Variants in SSUH2 observed in about 807,000 individuals in gnomAD.
The protein encoded by SSUH2 is ssu-2 homolog.
In SSUH2, 47 loss-of-function variants were observed where a neutral mutation model predicts 55.3. That is an observed-to-expected ratio of 0.85 (90% CI 0.67 to 1.08). The LOEUF is 1.08. Ranked by LOEUF, SSUH2 falls within the 50% of genes least tolerant of loss-of-function variation. The probability of loss-of-function intolerance (pLI) is 0.00; values close to 1 mark genes in which losing one functional copy is unlikely to be tolerated. For synonymous variants in SSUH2, 212 were observed against 191.5 expected (o/e 1.11, Z -0.89); for missense variants, 535 against 490.7 (o/e 1.09, Z -0.85).
chr3:8,646,543 C>T (rs537517630), upstream of SSUH2, among the ~76,000 whole-genome samples: 11 of 152,300 alleles, frequency 7.2e-5, no homozygotes, highest in African/African-American at 2.2e-4. Flanking sequence ...CTTTTCTGCA[C>T]GCTACTTAGA....
chr3:8,621,127 C>T lies in SSUH2; in HGVS notation c.982-1113G>A, dbSNP rs564346508. Among the ~76,000 whole-genome samples, 86 of 152,328 alleles carry T rather than the reference C, an allele frequency of 5.6e-4. 2 individuals carry two copies. Among genetic ancestry groups the T allele is most frequent in the South Asian group, 4.3e-3 (21 of 4,830 alleles). On this transcript the variant is annotated intron_variant, in intron 11 of 11. Coordinates refer to ENST00000544814, the MANE Select transcript of SSUH2 (RefSeq NM_001256748.3). ...GAATGTTGCTCCTGATCATCTAAGC[C>T]AAGCTTTCTTGTGGACTTCCTGTGG... is the stretch of plus-strand genomic sequence containing the variant.
chr3:8,653,098 C>A (rs930029753), intron 7 of SSUH2, among the ~76,000 whole-genome samples: 4 of 152,192 alleles, frequency 2.6e-5, no homozygotes, highest in African/African-American at 7.2e-5. Context: ...AGAATGGACA[C>A]CTTTTTGGAT....
chr3:8,633,889 T>C lies in SSUH2; in HGVS notation c.210-94A>G, dbSNP rs372214810. 4.3e-6 allele frequency: 7 copies of C among 1,613,930 alleles called. No homozygotes were observed. The highest frequency in any genetic ancestry group is 2.2e-5 in the East Asian group (1 of 44,854). ...CCTCCTCAACGTGCAGGCGAGAAAC[T>C]GAGGCCACGGTAGTGGTAAAGCCCT... On this transcript the variant is annotated intron_variant, in intron 3 of 11. Transcript: ENST00000544814.
chr3:8,675,177 C>CA (rs1705096976), intron 3 of SSUH2, among the ~76,000 whole-genome samples: 1 of 152,166 alleles, frequency 6.6e-6, no homozygotes, highest in Admixed American at 6.5e-5. Context: ...CAGCTGAGGA[C>CA]AGCTGGTTCA....
chr3:8,670,907 A>G (rs1480957105), intron 5 of SSUH2: 1 of 239,860 alleles, frequency 4.2e-6, no homozygotes, highest in African/African-American at 2.2e-5. Context: ...GAATATTACA[A>G]CTCCTATCAC....
intron 1 of SSUH2, among the ~76,000 whole-genome samples, chr3:8,642,014 G>A (rs901045181): frequency 5.3e-5 from 8 of 152,258 alleles, no homozygotes; most frequent in South Asian, 4.1e-4. Flanking sequence ...CCCTGTGGAC[G>A]GGGGTCCACA....
intron 5 of SSUH2, among the ~76,000 whole-genome samples, chr3:8,670,000 T>G (rs888340578): frequency 6.6e-6 from 1 of 152,188 alleles, no homozygotes; most frequent in Non-Finnish European, 1.5e-5. Flanking sequence ...TAATTTCTTG[T>G]TTTTGATCCG....
intron 7 of SSUH2, among the ~76,000 whole-genome samples, chr3:8,654,647 A>T (rs918054762): frequency 6.6e-6 from 1 of 152,214 alleles, no homozygotes; most frequent in Non-Finnish European, 1.5e-5. Flanking sequence ...GAAAATATAA[A>T]TATCTCAATG....
chr3:8,621,703 C>A (rs766297035), intron 11 of SSUH2, among the ~76,000 whole-genome samples: 2 of 152,134 alleles, frequency 1.3e-5, no homozygotes, highest in Non-Finnish European at 2.9e-5. Flanking sequence ...ACTGAGTTTT[C>A]TTCATATGCC....
chr3:8,644,721 C>G lies in SSUH2; in HGVS notation c.28+10G>C. On this transcript the variant is annotated intron_variant, in intron 1 of 11. Transcript: ENST00000544814. ...ACAGTCTTCCGTGCCATCTTTGAGGCTCTACTTACTGTCATCTTCATTCAG... is the reference window on the plus strand; with the variant it reads ...ACAGTCTTCCGTGCCATCTTTGAGGGTCTACTTACTGTCATCTTCATTCAG... 6.5e-7 allele frequency: 1 copy of G among 1,535,798 alleles called. No individual in the cohort carries two copies. Among genetic ancestry groups the G allele is most frequent in the Non-Finnish European group, 8.7e-7 (1 of 1,146,622 alleles).
At chr3:8,641,151 C>T (rs1248297539) in intron 1 of SSUH2, among the ~76,000 whole-genome samples, 2 of 152,172 alleles carry the variant, frequency 1.3e-5, no homozygotes, top group Non-Finnish European at 2.9e-5. Context: ...TGCCTGAGTG[C>T]GGCTCCCTGT....
intron 1 of SSUH2, among the ~76,000 whole-genome samples, chr3:8,644,506 G>C (rs1247606527): frequency 6.6e-6 from 1 of 152,150 alleles, no homozygotes; most frequent in Non-Finnish European, 1.5e-5. Context: ...CTTTACACAC[G>C]AGAGGAAGGA....
intron 3 of SSUH2, 123 bp downstream of exon 3, chr3:8,635,177 A>C: frequency 1.4e-6 from 1 of 709,206 alleles, no homozygotes; most frequent in Non-Finnish European, 2.3e-6. Flanking sequence ...GATCTGGTGC[A>C]GTAGGTCTGG....
rs542030031 is a variant in SSUH2 at position 8,678,562 on chromosome 3, A to T, written c.-901+1143T>A. Among the ~76,000 whole-genome samples, 2 of 100,626 alleles carry T rather than the reference A, an allele frequency of 2.0e-5. 1 individual carries two copies. Among genetic ancestry groups the T allele is most frequent in the Non-Finnish European group, 4.3e-5 (2 of 46,732 alleles). The allele number at this position is 100,626 out of a possible 152,430, so 66.0% of individuals were successfully genotyped here. A position where few individuals can be genotyped will look rare whatever the true frequency, so the allele number is the denominator to read the frequency against. On this transcript the variant is annotated intron_variant, in intron 2 of 18. Transcript: ENST00000317371. ...TCCCTCCATGGCTCTTAGGACCCCA[A>T]TCACAGAGGGGGGAACACCCCCCGC...
chr3:8,637,564 T>C (rs559489053), intron 1 of SSUH2, among the ~76,000 whole-genome samples: 2 of 152,316 alleles, frequency 1.3e-5, no homozygotes, highest in Non-Finnish European at 2.9e-5. Flanking sequence ...CACACAGCTG[T>C]GGAGTTAGAG....
chr3:8,634,720 G>A (rs1699621057), intron 3 of SSUH2: 2 of 506,406 alleles, frequency 3.9e-6, no homozygotes, highest in South Asian at 3.4e-5. Context: ...AAGCCCCCGG[G>A]AGAAGCCTCT....
At chr3:8,629,816 G>A in intron 6 of SSUH2, 90 bp from the exon 7 acceptor site, 4 of 1,245,196 alleles carry the variant, frequency 3.2e-6, no homozygotes, top group South Asian at 2.4e-5. Flanking sequence ...AAGGTGGAGT[G>A]GATCAGGACC....
intron 5 of SSUH2, among the ~76,000 whole-genome samples, chr3:8,670,594 G>A (rs1208799393): frequency 6.6e-6 from 1 of 151,982 alleles, no homozygotes; most frequent in Admixed American, 6.5e-5. Flanking sequence ...TGGATATTAC[G>A]ACTAATATGA....
intron 4 of SSUH2, among the ~76,000 whole-genome samples, chr3:8,671,629 G>A (rs978672411): frequency 5.9e-5 from 9 of 152,178 alleles, no homozygotes; most frequent in African/African-American, 2.2e-4. Flanking sequence ...GTAGAGTCCT[G>A]TGACAACATG....
Sources: allele counts gnomAD v4.1 joint callset (sites outside exome capture counted in the v4.1 genomes callset), GRCh38; gene constraint gnomAD v4.1.1; transcripts MANE v1.5; gene names NCBI Gene and HGNC (gene_info 2026-07-23, HGNC 2026-07-21).